Variants in GYPC observed in about 807,000 individuals in gnomAD.
GYPC encodes glycophorin C (Gerbich blood group), also known as glycophorin-C.
In GYPC, 14 loss-of-function variants were observed where a neutral mutation model predicts 12.6. The observed-to-expected ratio is 1.11, with a 90% confidence interval of 0.74 to 1.74. GYPC has a LOEUF of 1.74. Ranked by LOEUF, GYPC falls within the 40% of genes most tolerant of loss-of-function variation. The pLI is 0.00. For synonymous variants in GYPC, 78 were observed against 62.1 expected (o/e 1.26, Z -1.20); for missense variants, 225 against 172.1 (o/e 1.31, Z -1.72).
At chr2:126,682,104 G>A (rs1683164959) in intron 1 of GYPC, among the ~76,000 whole-genome samples, 1 of 152,204 alleles carries the variant, frequency 6.6e-6, no homozygotes, top group Non-Finnish European at 1.5e-5. Flanking sequence ...CTTGGAGCTG[G>A]CAAGTCAAGC....
intron 1 of GYPC, among the ~76,000 whole-genome samples, chr2:126,682,482 G>T (rs1156891019): frequency 2.6e-5 from 4 of 152,174 alleles, no homozygotes; most frequent in Non-Finnish European, 5.9e-5. Flanking sequence ...ACTGTGCCCG[G>T]TCCTCATCTC....
At chr2:126,687,033 G>A (rs1424167051) in intron 1 of GYPC, among the ~76,000 whole-genome samples, 1 of 152,170 alleles carries the variant, frequency 6.6e-6, no homozygotes, top group Non-Finnish European at 1.5e-5. Context: ...CCAAAGACCT[G>A]ATATCACTGC....
chr2:126,662,288 C>T (rs74888853), intron 1 of GYPC, among the ~76,000 whole-genome samples: 3,022 of 152,314 alleles, frequency 0.02, 102 homozygotes, highest in African/African-American at 0.069. Context: ...AACAGGGGCC[C>T]ATTGGATATG....
In GYPC at chr2:126,696,097, C is replaced by T. The variant is rs1388025134; in HGVS notation, c.342C>T (p.Ala114=). 2.5e-6 allele frequency: 4 copies of T among 1,613,908 alleles called. No homozygotes were observed. The highest frequency in any genetic ancestry group is 2.5e-6 in the Non-Finnish European group (3 of 1,179,892). ...ATGCAGCCCTGCAGGGAGACCCTGC[C>T]CTCCAAGATGCTGGTGATAGCAGCA... is the stretch of plus-strand genomic sequence containing the variant. ...SADAALQGDP[A]LQDAGDSSRK... Residue 114 remains alanine, a synonymous_variant, in exon 4 of 4, where the codon GCC becomes GCT. Coordinates refer to ENST00000259254, the MANE Select transcript of GYPC (RefSeq NM_002101.5).
At chr2:126,671,185 C>T (rs1682843032) in intron 1 of GYPC, among the ~76,000 whole-genome samples, 1 of 152,204 alleles carries the variant, frequency 6.6e-6, no homozygotes, top group Non-Finnish European at 1.5e-5. Flanking sequence ...GCCCAGGCTG[C>T]TAGCGGGTAG....
chr2:126,670,555 G>A (rs772963906), intron 1 of GYPC, among the ~76,000 whole-genome samples: 1 of 152,170 alleles, frequency 6.6e-6, no homozygotes, highest in South Asian at 2.1e-4. Context: ...ATGTGCCTGC[G>A]CTCTGACAAG....
chr2:126,693,600 C>T (rs1573580851), intron 2 of GYPC, among the ~76,000 whole-genome samples: 3 of 152,168 alleles, frequency 2.0e-5, no homozygotes, highest in Non-Finnish European at 4.4e-5. Flanking sequence ...TCAGTGCAGG[C>T]ATTAGGCAGA....
intron 1 of GYPC, among the ~76,000 whole-genome samples, chr2:126,685,625 T>C (rs1683266952): frequency 6.6e-6 from 1 of 152,130 alleles, no homozygotes; most frequent in Non-Finnish European, 1.5e-5. Context: ...CCTCAGGTGT[T>C]CCACCCACCT....
chr2:126,660,552 T>C (rs909848981), intron 1 of GYPC, among the ~76,000 whole-genome samples: 2 of 152,156 alleles, frequency 1.3e-5, no homozygotes, highest in African/African-American at 2.4e-5. Flanking sequence ...TTCCTGAGTC[T>C]GCCTTTTCCC....
At chr2:126,668,776 G>A (rs535779766) in intron 1 of GYPC, among the ~76,000 whole-genome samples, 43 of 152,296 alleles carry the variant, frequency 2.8e-4, no homozygotes, top group East Asian at 3.9e-4. Context: ...CTCCCCTGCC[G>A]TCAGTCCTCA....
At chr2:126,692,398 A>G (rs973442347) in intron 2 of GYPC, among the ~76,000 whole-genome samples, 1 of 152,136 alleles carries the variant, frequency 6.6e-6, no homozygotes, top group Non-Finnish European at 1.5e-5. Context: ...TCCAGCAGGC[A>G]GTTACTTATA....
chr2:126,696,249 A>G lies in GYPC; in HGVS notation c.*107A>G, dbSNP rs1573583934. On this transcript the variant is annotated 3_prime_UTR_variant, in exon 4 of 4. Transcript: ENST00000259254. ...ATACCACCAGACAGAGAGAGAGAGC[A>G]CTTGATTCTTCCCGAGATAGCCACC... 2.3e-6 allele frequency: 2 copies of G among 852,188 alleles called. No individual in the cohort carries two copies. The highest frequency in any genetic ancestry group is 5.3e-5 in the East Asian group (2 of 37,756). The allele number at this position is 852,188 out of a possible 1,614,324, so 52.8% of individuals were successfully genotyped here.
At chr2:126,673,374 C>T (rs1682905814) in intron 1 of GYPC, among the ~76,000 whole-genome samples, 1 of 152,178 alleles carries the variant, frequency 6.6e-6, no homozygotes, top group African/African-American at 2.4e-5. Context: ...GTCCTCACCA[C>T]AGCCTGGGAC....
At chr2:126,680,649 C>T (rs1403672256) in intron 1 of GYPC, among the ~76,000 whole-genome samples, 1 of 152,176 alleles carries the variant, frequency 6.6e-6, no homozygotes, top group African/African-American at 2.4e-5. Flanking sequence ...GGGGGTGAAC[C>T]ATGGACTGAA....
intron 2 of GYPC, among the ~76,000 whole-genome samples, chr2:126,690,885 G>A (rs1292317511): frequency 6.6e-6 from 1 of 151,672 alleles, no homozygotes; most frequent in South Asian, 2.1e-4. Flanking sequence ...TGTGCTCTGC[G>A]ACCTTCTTTG....
intron 1 of GYPC, chr2:126,680,548 A>G (rs967187732): frequency 2.0e-5 from 3 of 152,228 alleles, no homozygotes; most frequent in Non-Finnish European, 4.4e-5. Flanking sequence ...GTCTGTGGCC[A>G]GCGGCCCTGT....
At chr2:126,693,668 T>C (rs1683542050) in intron 2 of GYPC, among the ~76,000 whole-genome samples, 196 bp from the exon 3 acceptor site, 1 of 152,054 alleles carries the variant, frequency 6.6e-6, no homozygotes, top group African/African-American at 2.4e-5. Context: ...TCCATCCCAG[T>C]CAGTGACCAA....
At chr2:126,690,902 A>G (rs1683444258) in intron 2 of GYPC, among the ~76,000 whole-genome samples, 1 of 152,030 alleles carries the variant, frequency 6.6e-6, no homozygotes, top group South Asian at 2.1e-4. Flanking sequence ...TTTGAGATCC[A>G]CACTTCTCAG....
intron 1 of GYPC, among the ~76,000 whole-genome samples, chr2:126,659,780 C>CTTTTTTTTTTTTTTT (rs1203132482): frequency 5.1e-5 from 7 of 137,892 alleles, no homozygotes; most frequent in South Asian, 2.3e-4. Context: ...TCTTTCTTTT[C>CTTTTTTTTTTTTTTT]TTTTTTTTTT....
Sources: allele counts gnomAD v4.1 joint callset (sites outside exome capture counted in the v4.1 genomes callset), GRCh38; gene constraint gnomAD v4.1.1; transcripts MANE v1.5; gene names NCBI Gene and HGNC (gene_info 2026-07-23, HGNC 2026-07-21).